The following GPATCH8 variants were observed in gnomAD, a reference collection of about 807,000 sequenced individuals.
The protein encoded by GPATCH8 is G-patch domain containing 8, also known as G patch domain-containing protein 8.
Under a neutral mutation model 118.3 loss-of-function variants are expected in GPATCH8, and 18 were observed. The ratio of observed to expected loss-of-function variants is 0.15; its 90% confidence interval spans 0.11 to 0.23. The LOEUF (loss-of-function observed/expected upper bound fraction) is 0.23. Among genes scored for constraint, GPATCH8 ranks in the 10% least tolerant of loss-of-function variants. The pLI is 1.00. For missense variants in GPATCH8, 1,631 were observed against 1,873.8 expected (o/e 0.87, Z 2.39); for synonymous variants, 659 against 684.7 (o/e 0.96, Z 0.59).
At chr17:44,417,486 T>C (rs1397221478) in intron 6 of GPATCH8, among the ~76,000 whole-genome samples, 1 of 152,156 alleles carries the variant, frequency 6.6e-6, no homozygotes, top group African/African-American at 2.4e-5. Context: ...CCTAAAGTGC[T>C]GGGATTACAG....
intron 7 of GPATCH8, among the ~76,000 whole-genome samples, chr17:44,402,779 G>A (rs563998491): frequency 6.6e-6 from 1 of 152,238 alleles, no homozygotes; most frequent in East Asian, 1.9e-4. Context: ...TATCTCCTGG[G>A]TACCGTAACA....
Position 44,399,920 on chromosome 17 carries a change from A to G in GPATCH8, c.2157T>C (p.Asn719=). The G allele has an allele frequency of 6.2e-7, 1 of 1,607,686 alleles. No homozygotes were observed. Among genetic ancestry groups the G allele is most frequent in the Non-Finnish European group, 8.5e-7 (1 of 1,174,736 alleles). Residue 719 remains asparagine (N), a synonymous_variant, in exon 8 of 8, where the codon AAT becomes AAC. Coordinates refer to ENST00000591680, the MANE Select transcript of GPATCH8 (RefSeq NM_001002909.4). ...CAGAATCTGCTGGGGCTGATGACTT[A>G]TTCTTCTTTCGTTTTCGTTTCTTGC... ...KKRKKRKRKK[N]KSSAPADSER...
At chr17:44,449,034 G>A (rs940927719) in intron 3 of GPATCH8, among the ~76,000 whole-genome samples, 98 of 152,314 alleles carry the variant, frequency 6.4e-4, no homozygotes, top group African/African-American at 2.3e-3. Context: ...CCAGCACTTT[G>A]GGAGGTTGAG....
chr17:44,428,410 T>C (rs2050167108), intron 5 of GPATCH8, among the ~76,000 whole-genome samples: 1 of 151,728 alleles, frequency 6.6e-6, no homozygotes, highest in South Asian at 2.1e-4. Context: ...CGAGAATCAC[T>C]TGAATCTGGG....
At chr17:44,494,658 T>C (rs1375836466) in intron 1 of GPATCH8, among the ~76,000 whole-genome samples, 2 of 152,210 alleles carry the variant, frequency 1.3e-5, no homozygotes, top group African/African-American at 4.8e-5. Context: ...CCTCTACTCC[T>C]TTGCTCCTAT....
chr17:44,463,410 G>A (rs983780855), intron 3 of GPATCH8, among the ~76,000 whole-genome samples: 29 of 152,082 alleles, frequency 1.9e-4, no homozygotes, highest in African/African-American at 6.3e-4. Context: ...CTTTTGAGAC[G>A]GAGTCTCACT....
intron 1 of GPATCH8, among the ~76,000 whole-genome samples, chr17:44,478,879 C>A (rs952732997): frequency 2.0e-5 from 3 of 152,054 alleles, no homozygotes; most frequent in Non-Finnish European, 4.4e-5. Context: ...GCTAGGGCAA[C>A]AGGCATACAC....
intron 5 of GPATCH8, among the ~76,000 whole-genome samples, chr17:44,434,430 G>A (rs1327488109): frequency 3.3e-5 from 5 of 152,138 alleles, no homozygotes; most frequent in South Asian, 4.1e-4. Flanking sequence ...GGGGTCAAGC[G>A]CGGTGACTTA....
intron 6 of GPATCH8, 57 bp from the exon 7 acceptor site, chr17:44,406,108 C>A: frequency 1.5e-6 from 2 of 1,337,492 alleles, no homozygotes; most frequent in South Asian, 2.3e-5. Flanking sequence ...ACTTGGGAAT[C>A]AGAAAGCAAA....
At chr17:44,470,565 C>T (rs1598583285) in intron 2 of GPATCH8, among the ~76,000 whole-genome samples, 2 of 146,320 alleles carry the variant, frequency 1.4e-5, no homozygotes, top group South Asian at 4.4e-4. Flanking sequence ...GGCGTGATCT[C>T]GACTCACTGC....
chr17:44,449,036 G>C (rs2051012075), intron 3 of GPATCH8, among the ~76,000 whole-genome samples: 1 of 152,206 alleles, frequency 6.6e-6, no homozygotes, highest in African/African-American at 2.4e-5. Context: ...AGCACTTTGG[G>C]AGGTTGAGGC....
At chr17:44,441,350 A>G (rs2050682154) in intron 3 of GPATCH8, among the ~76,000 whole-genome samples, 1 of 152,306 alleles carries the variant, frequency 6.6e-6, no homozygotes, top group South Asian at 2.1e-4. Context: ...TAAGAATACC[A>G]CAATGTAAGA....
chr17:44,431,424 T>G (rs2143990138), intron 5 of GPATCH8, among the ~76,000 whole-genome samples: 1 of 124,904 alleles, frequency 8.0e-6, no homozygotes, highest in East Asian at 2.3e-4. Context: ...AAAATCAGCA[T>G]AGTGTTTATC....
chr17:44,486,661 T>C (rs1316068146), intron 1 of GPATCH8: 3 of 152,126 alleles, frequency 2.0e-5, no homozygotes, highest in Non-Finnish European at 2.9e-5. Context: ...AAATGTAAAA[T>C]GGGTATTGTT....
chr17:44,452,929 G>A (rs2051170617), intron 3 of GPATCH8, among the ~76,000 whole-genome samples: 1 of 151,784 alleles, frequency 6.6e-6, no homozygotes. Context: ...CTGGGCTCAT[G>A]CGATTCTCCC....
chr17:44,401,531 C>T (rs921244052), intron 7 of GPATCH8, 78 bp from the exon 8 acceptor site: 7 of 896,174 alleles, frequency 7.8e-6, no homozygotes, highest in Non-Finnish European at 1.1e-5. Context: ...AAATACTAAT[C>T]TCTTATATCC....
chr17:44,420,630 TGAG>T (rs1314418700), intron 6 of GPATCH8, among the ~76,000 whole-genome samples: 1 of 152,212 alleles, frequency 6.6e-6, no homozygotes, highest in African/African-American at 2.4e-5. Context: ...GTGGGAGAGC[TGAG>T]GTAACACAAG....
intron 1 of GPATCH8, among the ~76,000 whole-genome samples, chr17:44,481,617 C>T (rs1199974869): frequency 6.6e-6 from 1 of 151,984 alleles, no homozygotes; most frequent in Non-Finnish European, 1.5e-5. Context: ...ACTTTTTTTT[C>T]ACCGTCTTAT....
At chr17:44,464,610 C>T (rs1289359472) in intron 2 of GPATCH8, 66 bp from the exon 3 acceptor site, 2 of 935,632 alleles carry the variant, frequency 2.1e-6, no homozygotes, top group Non-Finnish European at 3.6e-6. Context: ...TTCCTAGAGA[C>T]ATTTAAACAG....
Sources: gnomAD v4.1 joint callset for allele counts (sites outside exome capture counted in the v4.1 genomes callset) on GRCh38, gnomAD v4.1.1 for gene constraint, MANE v1.5 for transcripts, NCBI Gene and HGNC (gene_info 2026-07-23, HGNC 2026-07-21) for gene names.